The following SYTL2 variants were observed in gnomAD, a reference collection of about 807,000 sequenced individuals.
SYTL2 encodes the protein synaptotagmin like 2.
A neutral mutation model predicts 198.7 loss-of-function variants in SYTL2; 165 were observed. The ratio of observed to expected loss-of-function variants is 0.83; its 90% CI spans 0.73 to 0.94. The LOEUF (loss-of-function observed/expected upper bound fraction) is 0.94, where lower values mean the gene tolerates loss of function less well. Among genes scored for constraint, SYTL2 ranks in the 40% least tolerant of loss-of-function variants. SYTL2 has a pLI of 0.00. For synonymous variants in SYTL2, 966 were observed against 917.7 expected (o/e 1.05, Z -0.95); for missense variants, 2,835 against 2,582.8 (o/e 1.10, Z -2.12).
At chr11:85,745,880 C>T in intron 3 of SYTL2, 108 bp from the exon 4 acceptor site, 1 of 1,159,240 alleles carries the variant, frequency 8.6e-7, no homozygotes, top group Admixed American at 2.1e-5. Context: ...CTCAGGCCTT[C>T]CCAGTGCCAA....
chr11:85,727,995 A>G (rs2089405991), intron 7 of SYTL2, 28 bp from the exon 8 acceptor site: 3 of 1,522,676 alleles, frequency 2.0e-6, no homozygotes, highest in Admixed American at 2.2e-5. Context: ...TTTTCTAAAT[A>G]AGAAAAGAGC....
At chr11:85,814,255 G>T (rs1241090121), upstream of SYTL2, among the ~76,000 whole-genome samples, 1 of 152,178 alleles carries the variant, frequency 6.6e-6, no homozygotes, top group African/African-American at 2.4e-5. Context: ...CCTTCCAGAT[G>T]ACCTAACTTG....
the SYTL2 span, among the ~76,000 whole-genome samples, chr11:85,834,482 T>C: frequency 6.6e-6 from 1 of 152,136 alleles, no homozygotes; most frequent in Non-Finnish European, 1.5e-5. Context: ...AAATGTTTAT[T>C]ACAGACAGTC....
rs2091295408 is a variant in SYTL2, at chr11:85,748,291, C to G, written c.234G>C (p.Lys78Asn). 6.2e-7 allele frequency: 1 copy of G among 1,613,464 alleles called. No individual in the cohort carries two copies. The highest frequency in any genetic ancestry group is 1.3e-5 in the African/African-American group (1 of 74,904). Residue 78 changes from lysine to asparagine, a missense_variant, in exon 3 of 20, where the codon AAG (lysine) becomes AAC (asparagine). This residue lies in a region of SYTL2 where 2,645 missense variants were observed against 2,381.7 expected (regional missense o/e 1.11). Transcript: ENST00000359152. Reference protein sequence around the residue: ...GADIIRASMRKKRPQIAAEQS... With the variant: ...GADIIRASMRNKRPQIAAEQS... ...ACTCACCTGCTATCTGGGGCCTCTT[C>G]TTTCTCATAGATGCTCTGATGATAT...
chr11:85,695,044 G>C lies in SYTL2; in HGVS notation c.*151C>G, dbSNP rs1179718533. 2.2e-5 allele frequency: 14 copies of C among 635,534 alleles called. No individual in the cohort carries two copies. Among genetic ancestry groups the C allele is most frequent in the Non-Finnish European group, 3.5e-5 (14 of 395,292 alleles). 39.4% of individuals were successfully genotyped at this position (635,534 alleles called of 1,614,324 possible). A position where few individuals can be genotyped will look rare whatever the true frequency, so the allele number is the denominator to read the frequency against. On this transcript the variant is annotated 3_prime_UTR_variant, in exon 20 of 20. Coordinates refer to ENST00000359152, the MANE Select transcript of SYTL2 (RefSeq NM_206927.4). The stretch of plus-strand genomic sequence containing the variant: ...AAATCCCTTGGGCCTTGTAATCAAA[G>C]AAGCACATGCAGATTGACTTTTACA...
chr11:85,826,735 G>A, the SYTL2 span, among the ~76,000 whole-genome samples: 2 of 152,238 alleles, frequency 1.3e-5, no homozygotes, highest in East Asian at 1.9e-4. Flanking sequence ...CTTCAGCCTG[G>A]AGGTGGATGT....
In SYTL2 at chr11:85,795,318, A is replaced by G. The variant is rs570825909; in HGVS notation, c.-390+15636T>C. Reference sequence around the variant, plus strand: ...ATGGCCTGGCTCCAGGCTCACCATCAGATCTAAAAAAAAACTGAACCCTCT... The same window carrying G: ...ATGGCCTGGCTCCAGGCTCACCATCGGATCTAAAAAAAAACTGAACCCTCT... On this transcript the variant is annotated intron_variant, in intron 1 of 19. Transcript: ENST00000359152. 2.0e-5 allele frequency among the ~76,000 whole-genome samples: 3 copies of G among 150,494 alleles called. No individual in the cohort carries two copies. The South Asian group carries it at 6.2e-4, about 31-fold the overall frequency.
At position 85,734,165 on chromosome 11, in the gene SYTL2, T is replaced by C. The variant is rs374739054; in HGVS notation, c.1164A>G (p.Arg388=). The part of the protein sequence containing the change: ...FQSDPKPSQY[R]KPSLFHQSTS... ...TTGATTGATGAAAAAGCGAAGGCTT[T>C]CTGTATTGAGAAGGCTTAGGGTCAC... is the stretch of plus-strand genomic sequence containing the variant. Residue 388 remains arginine, a synonymous_variant, in exon 7 of 20, where the codon AGA becomes AGG. Transcript: ENST00000359152. The C allele has an allele frequency of 9.3e-6, 15 of 1,614,078 alleles. No individual in the cohort carries two copies. Among genetic ancestry groups the C allele is most frequent in the Non-Finnish European group, 1.3e-5 (15 of 1,180,016 alleles).
chr11:85,705,038 A>G lies in SYTL2; in HGVS notation c.6019-10T>C. Reference sequence around the variant, plus strand: ...GTTTTTCAATTTTATACTGAAGTTCAAAGAAGAAAATTAAATGATGAAAAA... The same window carrying G: ...GTTTTTCAATTTTATACTGAAGTTCGAAGAAGAAAATTAAATGATGAAAAA... On this transcript the variant is annotated splice_polypyrimidine_tract_variant and intron_variant, in intron 15 of 19. Coordinates refer to ENST00000359152, the MANE Select transcript of SYTL2 (RefSeq NM_206927.4). The G allele has an allele frequency of 6.3e-7, 1 of 1,593,840 alleles. No individual in the cohort carries two copies. Among genetic ancestry groups the G allele is most frequent in the South Asian group, 1.1e-5 (1 of 89,788 alleles).
intron 17 of SYTL2, 109 bp downstream of exon 17, chr11:85,700,406 T>C (rs1565844614): frequency 7.3e-6 from 6 of 818,156 alleles, no homozygotes; most frequent in Non-Finnish European, 1.2e-5. Flanking sequence ...TATACGTTAC[T>C]AACTTGATAA....
chr11:85,843,062 G>C, the SYTL2 span, among the ~76,000 whole-genome samples: 1 of 152,172 alleles, frequency 6.6e-6, no homozygotes, highest in African/African-American at 2.4e-5. Flanking sequence ...TTTAGATCTG[G>C]AGGTGAGGAA....
In SYTL2 at chr11:85,727,779, TA is replaced by T; in HGVS notation, c.1578del (p.Phe526LeufsTer20). 4 of 1,584,522 alleles carry T rather than the reference TA, an allele frequency of 2.5e-6. No homozygotes were observed. Among genetic ancestry groups the T allele is most frequent in the Non-Finnish European group, 3.4e-6 (4 of 1,164,714 alleles). On this transcript the variant is annotated frameshift_variant, in exon 8 of 20. Transcript: ENST00000359152. LOFTEE classifies it high-confidence loss of function. ...DDSIFKVLDW[F>X]NRSSYSDDNK... is the part of the protein sequence containing the mutation. The stretch of plus-strand genomic sequence containing the variant: ...TTGTCATCTGAATAAGAACTTCGGT[TA>T]AACCAGTCTAGAACTTTAAATATGG...
In SYTL2 at chr11:85,714,509, TAAACAGCAGC is replaced by T; in HGVS notation, c.5531-12_5531-3del. On this transcript the variant is annotated splice_region_variant and splice_polypyrimidine_tract_variant and intron_variant, in intron 11 of 19. Transcript: ENST00000359152. ...CAGGTTGTGTAGGCACTGTGGAAAC[TAAACAGCAGC>T]ATTTCCATTTCAAAATTATTCTTAC... 1 of 1,610,356 alleles carries T rather than the reference TAAACAGCAGC, an allele frequency of 6.2e-7. No homozygotes were observed. Among genetic ancestry groups the T allele is most frequent in the Non-Finnish European group, 8.5e-7 (1 of 1,176,920 alleles).
In SYTL2 at chr11:85,702,191, AT is replaced by A. The variant is rs35728321; in HGVS notation, c.6190-1599del. 3.0e-3 allele frequency among the ~76,000 whole-genome samples: 420 copies of A among 141,922 alleles called. 3 individuals are homozygous for A. Among genetic ancestry groups the A allele is most frequent in the African/African-American group, 5.1e-3 (196 of 38,190 alleles). 93.1% of individuals were successfully genotyped at this position (141,922 alleles called of 152,430 possible). On this transcript the variant is annotated intron_variant, in intron 16 of 19. Transcript: ENST00000359152. ...ATAGGGCTCAGAATCTAGTGGGTCT[AT>A]TTTTTTTTTTTTTTTGAGACAGGGT...
chr11:85,725,098 C>T lies in SYTL2; in HGVS notation c.4260G>A (p.Trp1420Ter), dbSNP rs1263274161. ...PLNPPGVISP[W>*]ATMDTIVPDR... ...CTGGAACTATGGTGTCCATCGTAGC[C>T]CATGGTGATATCACTCCTGGAGGAT... Residue 1420 changes from tryptophan to a stop codon, truncating the protein, a stop_gained, in exon 8 of 20, where the codon TGG (tryptophan) becomes TGA (stop). Transcript: ENST00000359152. LOFTEE classifies it high-confidence loss of function. 10 of 1,613,976 alleles carry T rather than the reference C, an allele frequency of 6.2e-6. No individual in the cohort carries two copies. In the Admixed American group the frequency reaches 1.5e-4, roughly 24 times the overall value.
chr11:85,793,402 GC>G (rs1236772061), intron 1 of SYTL2, among the ~76,000 whole-genome samples: 2 of 152,138 alleles, frequency 1.3e-5, no homozygotes, highest in Non-Finnish European at 2.9e-5. Flanking sequence ...TAGTTTCAGA[GC>G]TTTTATCATG....
At chr11:85,822,412 CA>C in the SYTL2 span, among the ~76,000 whole-genome samples, 2 of 152,228 alleles carry the variant, frequency 1.3e-5, no homozygotes, top group Non-Finnish European at 2.9e-5. Context: ...TCTGCCAGGG[CA>C]GAGAACCTGT....
Position 85,757,946 on chromosome 11 carries a change from G to T in SYTL2, c.-221C>A. ...AGGAAGTCCTGGTCTGTGGGATAGT[G>T]TCGAGAAGAGGCTCTCAGAAGGATG... On this transcript the variant is annotated 5_prime_UTR_variant, in exon 2 of 20. Coordinates refer to ENST00000359152, the MANE Select transcript of SYTL2 (RefSeq NM_206927.4). 1 of 541,184 alleles carries T rather than the reference G, an allele frequency of 1.8e-6. No individual in the cohort carries two copies. Among genetic ancestry groups the T allele is most frequent in the Non-Finnish European group, 3.3e-6 (1 of 307,374 alleles). 33.5% of individuals were successfully genotyped at this position (541,184 alleles called of 1,614,324 possible).
At chr11:85,826,248 T>C in the SYTL2 span, among the ~76,000 whole-genome samples, 1 of 152,238 alleles carries the variant, frequency 6.6e-6, no homozygotes, top group Non-Finnish European at 1.5e-5. Context: ...ACAGGAGGAC[T>C]GAGGAGGCCT....
Sources: gnomAD v4.1 joint callset for allele counts (sites outside exome capture counted in the v4.1 genomes callset) on GRCh38, gnomAD v4.1.1 for gene constraint, gnomAD v4.1.1 regional missense constraint, MANE v1.5 for transcripts, NCBI Gene and HGNC (gene_info 2026-07-23, HGNC 2026-07-21) for gene names.